Variants in ADAMTS20 observed in about 807,000 individuals in gnomAD.
ADAMTS20 encodes ADAM metallopeptidase with thrombospondin type 1 motif 20, also known as A disintegrin and metalloproteinase with thrombospondin motifs 20.
Under a neutral mutation model 260.1 loss-of-function variants are expected in ADAMTS20, and 225 were observed. The observed-to-expected ratio is 0.87, with a 90% CI of 0.78 to 0.97. ADAMTS20 has a LOEUF of 0.97. Ranked by LOEUF, ADAMTS20 falls within the 50% of genes least tolerant of loss-of-function variation. ADAMTS20 has a pLI of 0.00. For synonymous variants in ADAMTS20, 802 were observed against 769.5 expected, an observed-to-expected ratio of 1.04 and a Z score of -0.70; for missense variants, 2,400 against 2,337.7, an observed-to-expected ratio of 1.03 and a Z score of -0.55.
intron 19 of ADAMTS20, 91 bp downstream of exon 19, chr12:43,434,154 G>A (rs1941504346): frequency 1.5e-6 from 2 of 1,320,038 alleles, no homozygotes; most frequent in Non-Finnish European, 2.0e-6. Flanking sequence ...AGTAATAATT[G>A]CATGTCCATG....
At chr12:43,427,591 C>T in intron 26 of ADAMTS20, 122 bp from the exon 27 acceptor site, 1 of 885,854 alleles carries the variant, frequency 1.1e-6, no homozygotes, top group Non-Finnish European at 1.6e-6. Context: ...GAATCTCCTT[C>T]ATTGGAATCA....
At chr12:43,411,156 AT>A (rs1298699082) in intron 28 of ADAMTS20, among the ~76,000 whole-genome samples, 1 of 152,194 alleles carries the variant, frequency 6.6e-6, no homozygotes, top group Non-Finnish European at 1.5e-5. Flanking sequence ...AAAAATGCAA[AT>A]TCTACCTGAA....
At chr12:43,390,630 T>A (rs1328125228) in intron 29 of ADAMTS20, among the ~76,000 whole-genome samples, 1 of 152,188 alleles carries the variant, frequency 6.6e-6, no homozygotes, top group Non-Finnish European at 1.5e-5. Context: ...CAGGTTTTGT[T>A]TTTTTGTTTG....
intron 36 of ADAMTS20, among the ~76,000 whole-genome samples, chr12:43,372,055 C>G (rs968455480): frequency 3.9e-5 from 6 of 152,086 alleles, no homozygotes; most frequent in Admixed American, 3.9e-4. Context: ...TTTGACATGC[C>G]TATTAGACAT....
At chr12:43,491,326 T>A (rs902923098) in intron 6 of ADAMTS20, among the ~76,000 whole-genome samples, 7 of 152,172 alleles carry the variant, frequency 4.6e-5, no homozygotes, top group African/African-American at 1.4e-4. Flanking sequence ...TTTGCATAAG[T>A]ACACTCTATT....
chr12:43,543,306 T>A (rs1228594778), intron 2 of ADAMTS20, among the ~76,000 whole-genome samples: 1 of 152,000 alleles, frequency 6.6e-6, no homozygotes, highest in Non-Finnish European at 1.5e-5. Flanking sequence ...CAAGGTCTTG[T>A]CTCAAAGAAA....
chr12:43,531,939 A>G, intron 3 of ADAMTS20, 97 bp downstream of exon 3: 1 of 823,886 alleles, frequency 1.2e-6, no homozygotes, highest in East Asian at 3.5e-5. Flanking sequence ...TTAAAAATAA[A>G]TAAAATATTG....
At chr12:43,478,390 A>T (rs560928327) in intron 7 of ADAMTS20, among the ~76,000 whole-genome samples, 1 of 152,230 alleles carries the variant, frequency 6.6e-6, no homozygotes, top group African/African-American at 2.4e-5. Context: ...ATGAAAGCAC[A>T]GACAGCAGAA....
chr12:43,481,059 C>T (rs1048878461), intron 7 of ADAMTS20, among the ~76,000 whole-genome samples: 1 of 151,920 alleles, frequency 6.6e-6, no homozygotes, highest in Non-Finnish European at 1.5e-5. Context: ...ACATTTTACC[C>T]CCAAAAATGT....
At chr12:43,502,868 T>C (rs2137449211) in intron 3 of ADAMTS20, among the ~76,000 whole-genome samples, 1 of 152,244 alleles carries the variant, frequency 6.6e-6, no homozygotes, top group Middle Eastern at 3.4e-3. Flanking sequence ...TTATACTACA[T>C]GCGAAAAGCA....
chr12:43,453,790 T>G, intron 12 of ADAMTS20, 117 bp downstream of exon 12: 4 of 1,171,022 alleles, frequency 3.4e-6, no homozygotes, highest in Non-Finnish European at 4.7e-6. Flanking sequence ...CTCCAGAAAT[T>G]TTCTGAATCT....
Position 43,369,398 on chromosome 12 carries a change from A to G in ADAMTS20, c.5447-17T>C. 1 of 1,439,204 alleles carries G rather than the reference A, an allele frequency of 6.9e-7. No homozygotes were observed. The highest frequency in any genetic ancestry group is 9.2e-7 in the Non-Finnish European group (1 of 1,081,860). The allele number at this position is 1,439,204 out of a possible 1,614,324, so 89.2% of individuals were successfully genotyped here. A position where few individuals can be genotyped will look rare whatever the true frequency, so the allele number is the denominator to read the frequency against. ...GGTCCGTAGCTAGAAAATAATAAAT[A>G]AAACTCTTTAGCATGGAGACAATAA... On this transcript the variant is annotated splice_polypyrimidine_tract_variant and intron_variant, in intron 36 of 38. Coordinates refer to ENST00000389420, the MANE Select transcript of ADAMTS20 (RefSeq NM_025003.5).
intron 12 of ADAMTS20, 95 bp from the exon 13 acceptor site, chr12:43,452,790 C>T: frequency 8.7e-7 from 1 of 1,147,898 alleles, no homozygotes; most frequent in African/African-American, 1.6e-5. Context: ...ATCTAGAAAA[C>T]CAGTGAAGTC....
chr12:43,404,402 G>A (rs1197523767), intron 28 of ADAMTS20, among the ~76,000 whole-genome samples: 15 of 151,842 alleles, frequency 9.9e-5, no homozygotes, highest in Non-Finnish European at 2.1e-4. Context: ...TGATTTAGAT[G>A]GTACATTTCC....
At chr12:43,478,948 A>G (rs1942400396) in intron 7 of ADAMTS20, among the ~76,000 whole-genome samples, 1 of 152,140 alleles carries the variant, frequency 6.6e-6, no homozygotes, top group Non-Finnish European at 1.5e-5. Flanking sequence ...TGAAGTAAGG[A>G]CGGTTTTATA....
intron 21 of ADAMTS20, 96 bp from the exon 22 acceptor site, chr12:43,431,592 T>C: frequency 7.1e-7 from 1 of 1,413,724 alleles, no homozygotes; most frequent in African/African-American, 1.4e-5. Flanking sequence ...AGAAATACAG[T>C]TGAAAAACCA....
chr12:43,551,786 C>G lies in ADAMTS20; in HGVS notation c.91+45G>C. On this transcript the variant is annotated intron_variant, in intron 1 of 38. Transcript: ENST00000389420. This position sits in a 1 kb window ranked among gnomAD's most constrained non-coding sequence, Gnocchi z 4.6. ...GCGACCTGCATGTCCCACTCGGGCC[C>G]CGCGCCCCCACTTAGCCGCTGAAGG... 6.3e-7 allele frequency: 1 copy of G among 1,599,228 alleles called. No homozygotes were observed. The highest frequency in any genetic ancestry group is 8.6e-7 in the Non-Finnish European group (1 of 1,168,450).
intron 18 of ADAMTS20, among the ~76,000 whole-genome samples, chr12:43,436,193 G>A (rs1424446941): frequency 6.6e-6 from 1 of 152,178 alleles, no homozygotes; most frequent in Non-Finnish European, 1.5e-5. Context: ...TGCAAAGTGG[G>A]AAAGTAAATA....
rs973840222 is a variant in ADAMTS20 at position 43,452,609 on chromosome 12, T to C, written c.1847A>G (p.Asp616Gly). ...NTDSCPKGTQ[D>G]FREKQCSDFN... ...ATCAGAGCACTGCTTCTCTCGAAAGTCTTGTGTGCCTTTTGGACATGAATC... is the reference window on the plus strand; with the variant it reads ...ATCAGAGCACTGCTTCTCTCGAAAGCCTTGTGTGCCTTTTGGACATGAATC... The change falls in exon 13 of 39, where the codon GAC becomes GGC. Residue 616 changes from aspartate to glycine, a missense_variant. Physicochemically the swap from Asp to Gly is moderately conservative, Grantham distance 94 (BLOSUM62 -1). Coordinates refer to ENST00000389420, the MANE Select transcript of ADAMTS20 (RefSeq NM_025003.5). The C allele has an allele frequency of 4.3e-6, 7 of 1,613,400 alleles. No individual in the cohort carries two copies. Among genetic ancestry groups the C allele is most frequent in the Non-Finnish European group, 5.9e-6 (7 of 1,179,744 alleles).
Sources: allele counts gnomAD v4.1 joint callset (sites outside exome capture counted in the v4.1 genomes callset), GRCh38; gene constraint gnomAD v4.1.1; non-coding constraint Gnocchi (gnomAD v3.1); transcripts MANE v1.5; gene names NCBI Gene and HGNC (gene_info 2026-07-23, HGNC 2026-07-21).